Variants in KLK13 observed in about 807,000 individuals in gnomAD.
KLK13 encodes kallikrein related peptidase 13.
In KLK13, 19 loss-of-function variants were observed where a neutral mutation model predicts 22.4. The ratio of observed to expected loss-of-function variants is 0.85; its 90% confidence interval spans 0.59 to 1.24. The LOEUF (loss-of-function observed/expected upper bound fraction) is 1.24. Ranked by LOEUF, KLK13 falls within the 50% of genes most tolerant of loss-of-function variation. The probability of loss-of-function intolerance (pLI) is 0.00; values close to 1 mark genes in which losing one functional copy is unlikely to be tolerated. For missense variants in KLK13, 311 were observed against 347.9 expected (o/e 0.89, Z 0.84); for synonymous variants, 156 against 141.8 (o/e 1.10, Z -0.71).
intron 1 of KLK13, chr19:51,063,685 C>T (rs1371542039): frequency 6.6e-6 from 3 of 456,528 alleles, no homozygotes; most frequent in African/African-American, 4.0e-5. Context: ...CAGGGAGTGT[C>T]GCCAGAGGAG....
intron 1 of KLK13, among the ~76,000 whole-genome samples, chr19:51,064,114 T>C (rs1197532048): frequency 1.5e-4 from 23 of 152,018 alleles, no homozygotes; most frequent in Non-Finnish European, 1.5e-5. Context: ...ACTACCAATT[T>C]GGGGTGAGGT....
intron 3 of KLK13, among the ~76,000 whole-genome samples, chr19:51,059,138 G>A (rs184818705): frequency 8.2e-4 from 125 of 152,120 alleles, no homozygotes; most frequent in Non-Finnish European, 1.7e-3. Context: ...CTGGGAGAGA[G>A]TCAGGGATTG....
At chr19:51,063,091 C>T (rs1176501187) in intron 1 of KLK13, among the ~76,000 whole-genome samples, 1 of 152,156 alleles carries the variant, frequency 6.6e-6, no homozygotes, top group Non-Finnish European at 1.5e-5. Context: ...ATGGTTTTAA[C>T]ACCTCCCTAA....
chr19:51,062,097 A>G (rs1297587449), intron 1 of KLK13, among the ~76,000 whole-genome samples: 1 of 152,258 alleles, frequency 6.6e-6, no homozygotes, highest in Non-Finnish European at 1.5e-5. Context: ...AAGTAAAACT[A>G]AATTAAAAAT....
intron 3 of KLK13, 36 bp downstream of exon 3, chr19:51,059,789 C>T (rs2091708464): frequency 6.5e-7 from 1 of 1,534,350 alleles, no homozygotes. Context: ...CCCAGCCACT[C>T]CTATGGGGCC....
rs2091679704 is a variant in KLK13 at position 51,056,790 on chromosome 19, GAA to G, written c.646-17_646-16del. Reference sequence around the variant, plus strand: ...CCAGAGTCACCCTGAGTTGGGGAAAGAAAGAGAGAGAGAGGTGGGTCCTTGCT... The same window carrying G: ...CCAGAGTCACCCTGAGTTGGGGAAAGAGAGAGAGAGAGGTGGGTCCTTGCT... On this transcript the variant is annotated splice_polypyrimidine_tract_variant and intron_variant, in intron 4 of 4. Transcript: ENST00000595793. The G allele has an allele frequency of 1.9e-6, 3 of 1,607,394 alleles. No individual in the cohort carries two copies. The highest frequency in any genetic ancestry group is 1.1e-5 in the South Asian group (1 of 90,700).
Position 51,065,087 on chromosome 19 carries a change from G to T in KLK13, c.-20C>A. ...CCACATGGCTCCGGGATCGGGAGGGGAGGGCAGGGCGGGCGGGGCCTGAGG... is the reference window on the plus strand; with the variant it reads ...CCACATGGCTCCGGGATCGGGAGGGTAGGGCAGGGCGGGCGGGGCCTGAGG... On this transcript the variant is annotated 5_prime_UTR_variant, in exon 1 of 5. Coordinates refer to ENST00000595793, the MANE Select transcript of KLK13 (RefSeq NM_015596.3). The T allele has an allele frequency of 2.1e-6, 3 of 1,450,032 alleles. No homozygotes were observed. Among genetic ancestry groups the T allele is most frequent in the Non-Finnish European group, 2.8e-6 (3 of 1,063,810 alleles). The allele number at this position is 1,450,032 out of a possible 1,614,324, so 89.8% of individuals were successfully genotyped here.
Position 51,059,806 on chromosome 19 carries a change from C to T in KLK13, c.508+19G>A, listed in dbSNP as rs752730181. 1 of 1,565,274 alleles carries T rather than the reference C, an allele frequency of 6.4e-7. No homozygotes were observed. The highest frequency in any genetic ancestry group is 2.4e-5 in the East Asian group (1 of 42,076). On this transcript the variant is annotated intron_variant, in intron 3 of 4. Coordinates refer to ENST00000595793, the MANE Select transcript of KLK13 (RefSeq NM_015596.3). ...CAGCCACTCCTATGGGGCCTCAGGC[C>T]ACCTGTGTGGGTGCATACCCTGGGG...
At chr19:51,061,472 A>G (rs1308237147) in intron 1 of KLK13, among the ~76,000 whole-genome samples, 1 of 152,172 alleles carries the variant, frequency 6.6e-6, no homozygotes, top group Non-Finnish European at 1.5e-5. Context: ...GATTCTTCTC[A>G]ATCAAAACTG....
At chr19:51,056,896 CAG>C in intron 4 of KLK13, 121 bp from the exon 5 acceptor site, 2 of 689,270 alleles carry the variant, frequency 2.9e-6, no homozygotes, top group East Asian at 5.3e-5. Flanking sequence ...GAAGGAGACT[CAG>C]AGAGGCAGAG....
Position 51,056,362 on chromosome 19 carries a change from C to T in KLK13, c.*225G>A. On this transcript the variant is annotated 3_prime_UTR_variant, in exon 5 of 5. Coordinates refer to ENST00000595793, the MANE Select transcript of KLK13 (RefSeq NM_015596.3). Reference sequence around the variant, plus strand: ...ACCTGGGCCATTGTCTGGGTTGGGACATTCAGGTTGTTGAGATGTTTCAGG... The same window carrying T: ...ACCTGGGCCATTGTCTGGGTTGGGATATTCAGGTTGTTGAGATGTTTCAGG... 1.9e-6 allele frequency: 1 copy of T among 534,994 alleles called. No homozygotes were observed. The allele number at this position is 534,994 out of a possible 1,614,324, so 33.1% of individuals were successfully genotyped here.
chr19:51,055,857 G>A lies in KLK13; in HGVS notation c.*730C>T, dbSNP rs2736436. 1.3e-5 allele frequency among the ~76,000 whole-genome samples: 2 copies of A among 152,108 alleles called. No homozygotes were observed. The highest frequency in any genetic ancestry group is 2.1e-4 in the South Asian group (1 of 4,818). ...AATATTTGGTAGACAATAAAGTTCAGGCAAGAAGACCCTTTGGTATACTGA... is the reference window on the plus strand; with the variant it reads ...AATATTTGGTAGACAATAAAGTTCAAGCAAGAAGACCCTTTGGTATACTGA... On this transcript the variant is annotated 3_prime_UTR_variant, in exon 5 of 5. Coordinates refer to ENST00000595793, the MANE Select transcript of KLK13 (RefSeq NM_015596.3).
In KLK13 at chr19:51,056,465, AT is replaced by A; in HGVS notation, c.*121del. The A allele has an allele frequency of 5.8e-6, 6 of 1,041,318 alleles. No individual in the cohort carries two copies. Among genetic ancestry groups the A allele is most frequent in the Non-Finnish European group, 4.3e-6 (3 of 694,294 alleles). The allele number at this position is 1,041,318 out of a possible 1,614,324, so 64.5% of individuals were successfully genotyped here. ...CATGGAATGTTAGCTGAGATTGAGC[AT>A]TTTTCAGGACATGGATCACTGGTTC... is the stretch of plus-strand genomic sequence containing the variant. On this transcript the variant is annotated 3_prime_UTR_variant, in exon 5 of 5. Coordinates refer to ENST00000595793, the MANE Select transcript of KLK13 (RefSeq NM_015596.3).
At chr19:51,064,535 C>T in intron 1 of KLK13, 2 of 431,242 alleles carry the variant, frequency 4.6e-6, no homozygotes, top group Non-Finnish European at 9.2e-6. Flanking sequence ...AAAGTAATAA[C>T]GGCTAAGTGG....
At chr19:51,058,760 G>T (rs1599783502) in intron 3 of KLK13, 86 bp from the exon 4 acceptor site, 1 of 1,310,526 alleles carries the variant, frequency 7.6e-7, no homozygotes, top group Non-Finnish European at 1.1e-6. Flanking sequence ...AATGGGTAAA[G>T]AGTAGATAGA....
intron 4 of KLK13, 116 bp downstream of exon 4, chr19:51,058,422 T>C: frequency 1.6e-6 from 2 of 1,226,422 alleles, no homozygotes; most frequent in Admixed American, 4.1e-5. Flanking sequence ...GGGGACATTG[T>C]ATCTTATAAA....
rs1056677555 is a variant in KLK13 at position 51,064,931 on chromosome 19, C to T, written c.52+85G>A. ...AGTGGGCGGGGGGCGGAGCTCGCGG[C>T]TCCCACGCCCCCTCCCCCTCCGGCC... On this transcript the variant is annotated intron_variant, in intron 1 of 4. Coordinates refer to ENST00000595793, the MANE Select transcript of KLK13 (RefSeq NM_015596.3). 8.6e-6 allele frequency: 10 copies of T among 1,162,616 alleles called. No homozygotes were observed. The African/African-American group carries it at 1.6e-4, about 18-fold the overall frequency. 72.0% of individuals were successfully genotyped at this position (1,162,616 alleles called of 1,614,324 possible).
intron 1 of KLK13, 83 bp from the exon 2 acceptor site, chr19:51,060,702 A>G (rs2091722531): frequency 2.5e-6 from 3 of 1,181,366 alleles, no homozygotes; most frequent in Non-Finnish European, 3.6e-6. Context: ...GTTTGGGGTA[A>G]GGGTCGGATT....
intron 1 of KLK13, among the ~76,000 whole-genome samples, chr19:51,061,967 T>C (rs2091735202): frequency 6.6e-6 from 1 of 152,122 alleles, no homozygotes; most frequent in Non-Finnish European, 1.5e-5. Flanking sequence ...GATGCCCCCA[T>C]ACTAGACATT....
Sources: allele counts gnomAD v4.1 joint callset (sites outside exome capture counted in the v4.1 genomes callset), GRCh38; gene constraint gnomAD v4.1.1; transcripts MANE v1.5; gene names NCBI Gene and HGNC (gene_info 2026-07-23, HGNC 2026-07-21).